TIAM2: variants seen among roughly 807,000 people sequenced by gnomAD.
TIAM2 encodes the protein rho guanine nucleotide exchange factor TIAM2.
Under a neutral mutation model 152.9 loss-of-function variants are expected in TIAM2, and 80 were observed. That is an observed-to-expected ratio of 0.52 (90% CI 0.44 to 0.63). The LOEUF (loss-of-function observed/expected upper bound fraction) is 0.63. Ranked by LOEUF, TIAM2 falls within the 30% of genes least tolerant of loss-of-function variation. TIAM2 has a pLI of 0.00. For missense variants in TIAM2, 1,965 were observed against 2,120.1 expected (o/e 0.93, Z 1.44); for synonymous variants, 804 against 838.0 (o/e 0.96, Z 0.70).
intron 1 of TIAM2, among the ~76,000 whole-genome samples, chr6:155,043,168 A>G (rs1055974676): frequency 6.6e-6 from 1 of 152,226 alleles, no homozygotes; most frequent in Non-Finnish European, 1.5e-5. Flanking sequence ...GATTTAAATC[A>G]GATTCTGCTG....
At chr6:155,164,152 T>TTTTTTTTTTTTTTTTTTTTTTTG in intron 7 of TIAM2, among the ~76,000 whole-genome samples, 1 of 148,058 alleles carries the variant, frequency 6.8e-6, no homozygotes, top group Non-Finnish European at 1.5e-5. Context: ...TTTTCTTTTT[T>TTTTTTTTTTTTTTTTTTTTTTTG]TTAGTAGAGA....
chr6:155,003,780 G>A (rs1015488332), intron 1 of TIAM2, among the ~76,000 whole-genome samples: 1 of 152,160 alleles, frequency 6.6e-6, no homozygotes, highest in African/African-American at 2.4e-5. Context: ...CCACGGTGGG[G>A]CAGGGAGGAG....
chr6:155,153,366 G>C (rs893690045), intron 7 of TIAM2, among the ~76,000 whole-genome samples: 17 of 152,026 alleles, frequency 1.1e-4, no homozygotes, highest in African/African-American at 3.6e-4. Flanking sequence ...CAGTACTTTG[G>C]GAGGCTGAGG....
At chr6:155,115,351 T>C (rs1260558076) in intron 2 of TIAM2, among the ~76,000 whole-genome samples, 1 of 152,008 alleles carries the variant, frequency 6.6e-6, no homozygotes, top group Non-Finnish European at 1.5e-5. Context: ...CATGAGCCAC[T>C]GCATTAAAAT....
intron 16 of TIAM2, among the ~76,000 whole-genome samples, chr6:155,242,471 G>A (rs1220090955): frequency 6.6e-6 from 1 of 152,208 alleles, no homozygotes; most frequent in Non-Finnish European, 1.5e-5. Flanking sequence ...GGAATATGGT[G>A]AGGGAAGGCC....
At chr6:155,131,528 A>C (rs957205960) in intron 4 of TIAM2, among the ~76,000 whole-genome samples, 2 of 151,978 alleles carry the variant, frequency 1.3e-5, no homozygotes, top group African/African-American at 4.8e-5. Flanking sequence ...TCTATGCTTA[A>C]GTTGGTACAT....
At chr6:155,217,986 C>G (rs555326076) in intron 15 of TIAM2, among the ~76,000 whole-genome samples, 1 of 152,282 alleles carries the variant, frequency 6.6e-6, no homozygotes, top group African/African-American at 2.4e-5. Context: ...GCTTGCCTAT[C>G]TAAGAAGCTG....
chr6:155,250,282 T>C (rs997870882), intron 21 of TIAM2, among the ~76,000 whole-genome samples: 1 of 146,118 alleles, frequency 6.8e-6, no homozygotes, highest in African/African-American at 2.5e-5. Context: ...TTTTCCTTTT[T>C]GATTTTGCCT....
intron 15 of TIAM2, among the ~76,000 whole-genome samples, chr6:155,224,819 G>C (rs1371381616): frequency 6.6e-6 from 1 of 152,206 alleles, no homozygotes; most frequent in African/African-American, 2.4e-5. Context: ...TTGCTTAGAA[G>C]GTTCTGGCCT....
chr6:155,188,757 G>T (rs1301582384), intron 14 of TIAM2, among the ~76,000 whole-genome samples: 1 of 152,220 alleles, frequency 6.6e-6, no homozygotes, highest in East Asian at 1.9e-4. Context: ...ATTGGGCATA[G>T]AGTTTCTGAA....
chr6:155,106,255 T>A (rs901023988), intron 2 of TIAM2, among the ~76,000 whole-genome samples: 1 of 152,052 alleles, frequency 6.6e-6, no homozygotes, highest in Non-Finnish European at 1.5e-5. Context: ...TCTACCCTCC[T>A]CGGCCTCCCA....
chr6:155,107,908 G>A (rs939714871), intron 2 of TIAM2, among the ~76,000 whole-genome samples: 10 of 152,190 alleles, frequency 6.6e-5, no homozygotes, highest in Non-Finnish European at 1.0e-4. Flanking sequence ...CTTTGGTGTA[G>A]TTCTTCCTTG....
intron 1 of TIAM2, among the ~76,000 whole-genome samples, chr6:155,087,546 C>T (rs111663380): frequency 2.0e-5 from 3 of 152,024 alleles, no homozygotes; most frequent in East Asian, 1.9e-4. Context: ...CTCAGGAGTT[C>T]GAGACCAGCC....
chr6:155,007,454 G>A (rs184555294), intron 1 of TIAM2, among the ~76,000 whole-genome samples: 1 of 150,420 alleles, frequency 6.6e-6, no homozygotes, highest in Non-Finnish European at 1.5e-5. Context: ...GCACAATCTC[G>A]GCTCACTGCA....
chr6:155,217,046 A>C, intron 15 of TIAM2: 1 of 1,289,328 alleles, frequency 7.8e-7, no homozygotes, highest in Non-Finnish European at 1.0e-6. Context: ...CCGTTCTCCC[A>C]GAGGGAGCAG....
chr6:155,121,590 G>C (rs774719556), intron 2 of TIAM2, among the ~76,000 whole-genome samples: 2 of 152,120 alleles, frequency 1.3e-5, no homozygotes, highest in Non-Finnish European at 2.9e-5. Context: ...AGCTGTCCCC[G>C]ACCCTCCCCA....
chr6:155,153,741 C>T (rs779052410), intron 7 of TIAM2, among the ~76,000 whole-genome samples: 1 of 150,660 alleles, frequency 6.6e-6, no homozygotes, highest in Non-Finnish European at 1.5e-5. Context: ...CCTGCCTCAA[C>T]CTCCCGAGTA....
chr6:155,194,967 T>C (rs932333044), intron 14 of TIAM2, among the ~76,000 whole-genome samples: 1 of 152,198 alleles, frequency 6.6e-6, no homozygotes, highest in Non-Finnish European at 1.5e-5. Flanking sequence ...TGCCACCATG[T>C]GAAGAAAGAC....
chr6:155,249,381 G>T (rs1015077163), intron 20 of TIAM2, among the ~76,000 whole-genome samples: 1 of 152,160 alleles, frequency 6.6e-6, no homozygotes, highest in Non-Finnish European at 1.5e-5. Context: ...TCGAGAGCTG[G>T]TGCCCTAAGC....
Sources: allele counts gnomAD v4.1 joint callset (sites outside exome capture counted in the v4.1 genomes callset), GRCh38; gene constraint gnomAD v4.1.1; transcripts MANE v1.5; gene names NCBI Gene and HGNC (gene_info 2026-07-23, HGNC 2026-07-21).